The following SHB variants were observed in gnomAD, a reference collection of about 807,000 sequenced individuals.
SHB encodes SH2 domain-containing adapter protein B.
In SHB, 20 loss-of-function variants were observed where a neutral mutation model predicts 52.3. That is an observed-to-expected ratio of 0.38 (90% confidence interval 0.27 to 0.56). The LOEUF (loss-of-function observed/expected upper bound fraction) is 0.56. Ranked by LOEUF, SHB falls within the 20% of genes least tolerant of loss-of-function variation. The pLI is 0.71. For synonymous variants in SHB, 397 were observed against 316.5 expected, an observed-to-expected ratio of 1.25 and a Z score of -2.70; for missense variants, 825 against 723.3, an observed-to-expected ratio of 1.14 and a Z score of -1.61.
At chr9:38,036,811 T>A (rs1821494227) in intron 1 of SHB, among the ~76,000 whole-genome samples, 1 of 152,022 alleles carries the variant, frequency 6.6e-6, no homozygotes, top group Non-Finnish European at 1.5e-5. Context: ...TAATACAACA[T>A]CCCTATGGAT....
chr9:38,047,752 T>C (rs1821676655), intron 1 of SHB, among the ~76,000 whole-genome samples: 1 of 152,234 alleles, frequency 6.6e-6, no homozygotes, highest in South Asian at 2.1e-4. Flanking sequence ...ACTTTGTCCT[T>C]TCTCCTTTCA....
At chr9:38,008,276 G>A (rs965676939) in intron 2 of SHB, among the ~76,000 whole-genome samples, 3 of 152,220 alleles carry the variant, frequency 2.0e-5, no homozygotes, top group African/African-American at 7.2e-5. Context: ...CCTAGAGTGG[G>A]CCCGCTGGTC....
At chr9:38,033,136 G>A (rs961393113) in intron 1 of SHB, among the ~76,000 whole-genome samples, 1 of 152,194 alleles carries the variant, frequency 6.6e-6, no homozygotes, top group Non-Finnish European at 1.5e-5. Flanking sequence ...ATGCAGTGAG[G>A]ACTGGACGAT....
At chr9:37,922,007 C>G (rs1297590926) in intron 5 of SHB, among the ~76,000 whole-genome samples, 2 of 152,242 alleles carry the variant, frequency 1.3e-5, no homozygotes, top group Non-Finnish European at 2.9e-5. Context: ...GTGCCAGGGA[C>G]ACTCAGCAGG....
chr9:37,916,853 T>G lies in SHB; in HGVS notation c.*2968A>C. Among the ~76,000 whole-genome samples, 1 of 151,846 alleles carries G rather than the reference T, an allele frequency of 6.6e-6. No homozygotes were observed. Among genetic ancestry groups the G allele is most frequent in the East Asian group, 1.9e-4 (1 of 5,166 alleles). On this transcript the variant is annotated 3_prime_UTR_variant, in exon 6 of 6. Transcript: ENST00000377707. ...GACTCCTCAGCGCTCAAGGACAGAG[T>G]TGCTCAAGTGGGCAGGCATTATGGT...
At chr9:38,067,437 G>A (rs1173681448) in intron 1 of SHB, among the ~76,000 whole-genome samples, 1 of 152,222 alleles carries the variant, frequency 6.6e-6, no homozygotes, top group Non-Finnish European at 1.5e-5. Context: ...GCAGCCGCGA[G>A]AGATTTACAT....
intron 2 of SHB, among the ~76,000 whole-genome samples, chr9:38,009,404 A>C (rs905258758): frequency 1.3e-5 from 2 of 152,230 alleles, no homozygotes; most frequent in Non-Finnish European, 2.9e-5. Context: ...GGATTTATGA[A>C]GTCACTCCAG....
At chr9:37,922,072 G>A (rs1832188071) in intron 5 of SHB, among the ~76,000 whole-genome samples, 1 of 152,230 alleles carries the variant, frequency 6.6e-6, no homozygotes, top group African/African-American at 2.4e-5. Context: ...GCACTGAGTG[G>A]CCTTACGTTT....
chr9:38,002,839 G>C (rs1214230574), intron 2 of SHB, among the ~76,000 whole-genome samples: 1 of 152,094 alleles, frequency 6.6e-6, no homozygotes, highest in African/African-American at 2.4e-5. Flanking sequence ...AGTTCCCTGG[G>C]GTGGAGACCG....
At chr9:37,966,766 A>C (rs749979450) in intron 3 of SHB, among the ~76,000 whole-genome samples, 10 of 152,170 alleles carry the variant, frequency 6.6e-5, no homozygotes, top group Non-Finnish European at 1.5e-4. Flanking sequence ...AAGGTTCTCC[A>C]AGGGACCCTC....
chr9:37,956,066 G>C lies in SHB; in HGVS notation c.1055-12C>G, dbSNP rs757756085. The stretch of plus-strand genomic sequence containing the variant: ...GCCATTAAACTGTGCTGTGGGGAGA[G>C]AGAGAAAGTGCAGGGTTAGCAGAGC... On this transcript the variant is annotated splice_polypyrimidine_tract_variant and intron_variant, in intron 3 of 5. Coordinates refer to ENST00000377707, the MANE Select transcript of SHB (RefSeq NM_003028.3). 8.4e-6 allele frequency: 13 copies of C among 1,553,314 alleles called. No homozygotes were observed. Among genetic ancestry groups the C allele is most frequent in the Admixed American group, 3.9e-5 (2 of 51,046 alleles).
intron 2 of SHB, among the ~76,000 whole-genome samples, chr9:38,005,389 C>A (rs759034101): frequency 2.0e-5 from 3 of 152,190 alleles, no homozygotes; most frequent in Non-Finnish European, 4.4e-5. Flanking sequence ...ACGGGCCAAG[C>A]TGGCTGAAAG....
chr9:37,932,344 AC>A (rs1832322277), intron 5 of SHB, among the ~76,000 whole-genome samples: 2 of 151,768 alleles, frequency 1.3e-5, no homozygotes, highest in African/African-American at 4.8e-5. Flanking sequence ...GGAATCTAAA[AC>A]AAATTCAAAT....
chr9:37,973,957 C>T (rs1820622617), intron 3 of SHB, among the ~76,000 whole-genome samples: 1 of 152,184 alleles, frequency 6.6e-6, no homozygotes, highest in African/African-American at 2.4e-5. Flanking sequence ...AAAGTTCCTT[C>T]TGAAAACTGA....
chr9:38,057,653 C>T (rs892903428), intron 1 of SHB, among the ~76,000 whole-genome samples: 5 of 152,202 alleles, frequency 3.3e-5, no homozygotes, highest in South Asian at 4.1e-4. Flanking sequence ...GAGGGATTAC[C>T]GGGCTGTCTG....
intron 2 of SHB, among the ~76,000 whole-genome samples, chr9:38,009,022 A>AG (rs1184557908): frequency 6.6e-6 from 1 of 152,220 alleles, no homozygotes; most frequent in East Asian, 1.9e-4. Context: ...GCCTGGAACC[A>AG]GGGGTCAGGG....
intron 2 of SHB, among the ~76,000 whole-genome samples, chr9:37,987,983 C>T (rs1420645344): frequency 6.6e-6 from 1 of 152,124 alleles, no homozygotes; most frequent in African/African-American, 2.4e-5. Flanking sequence ...TACCCCTCAC[C>T]ACATGCCAGC....
chr9:37,944,583 T>C (rs1832471022), intron 5 of SHB, among the ~76,000 whole-genome samples: 1 of 152,164 alleles, frequency 6.6e-6, no homozygotes, highest in African/African-American at 2.4e-5. Context: ...CTGTGGACCC[T>C]GGCAGGCATT....
intron 3 of SHB, among the ~76,000 whole-genome samples, chr9:37,966,204 G>C (rs1364491045): frequency 6.6e-6 from 1 of 152,220 alleles, no homozygotes; most frequent in African/African-American, 2.4e-5. Context: ...GAACAAGACA[G>C]GCAGGGTCTC....
Sources: gnomAD v4.1 joint callset for allele counts (sites outside exome capture counted in the v4.1 genomes callset) on GRCh38, gnomAD v4.1.1 for gene constraint, MANE v1.5 for transcripts, NCBI Gene and HGNC (gene_info 2026-07-23, HGNC 2026-07-21) for gene names.